Variants in CSMD1 observed in about 807,000 individuals in gnomAD.
CSMD1 encodes CUB and sushi domain-containing protein 1.
In CSMD1, 213 loss-of-function variants were observed where a neutral mutation model predicts 417.5. That is an observed-to-expected ratio of 0.51 (90% confidence interval 0.46 to 0.57). CSMD1 has a LOEUF of 0.57. CSMD1 is among the 20% of genes least tolerant of loss of function. CSMD1 has a pLI of 0.00. For missense variants in CSMD1, 6,923 were observed against 4,529.7 expected (o/e 1.53, Z -15.17); for synonymous variants, 2,862 against 1,736.8 (o/e 1.65, Z -16.11).
At chr8:4,336,547 G>C (rs1305077115) in intron 3 of CSMD1, among the ~76,000 whole-genome samples, 3 of 152,162 alleles carry the variant, frequency 2.0e-5, no homozygotes, top group Non-Finnish European at 4.4e-5. Context: ...CATGCTGCTT[G>C]TTTTCTAGAT....
chr8:3,216,391 A>G (rs555867481), intron 29 of CSMD1, among the ~76,000 whole-genome samples: 1 of 152,346 alleles, frequency 6.6e-6, no homozygotes, highest in African/African-American at 2.4e-5. Context: ...CTTGTTCACA[A>G]TATTTTCCCC....
intron 52 of CSMD1, among the ~76,000 whole-genome samples, chr8:3,004,526 G>T (rs559166194): frequency 6.6e-6 from 1 of 152,262 alleles, no homozygotes; most frequent in South Asian, 2.1e-4. Context: ...TGAAGAATTA[G>T]GAAAGAATGC....
chr8:3,725,752 G>A (rs1349194625), intron 6 of CSMD1, among the ~76,000 whole-genome samples: 3 of 152,096 alleles, frequency 2.0e-5, no homozygotes, highest in Non-Finnish European at 4.4e-5. Context: ...TGTTAGTGAG[G>A]GCAGAGTGGA....
At chr8:3,804,736 C>A (rs1190145249) in intron 5 of CSMD1, among the ~76,000 whole-genome samples, 2 of 152,152 alleles carry the variant, frequency 1.3e-5, no homozygotes, top group African/African-American at 2.4e-5. Flanking sequence ...TTTGCTTCAA[C>A]TGATCATGAA....
chr8:3,656,233 G>A (rs1020681662), intron 7 of CSMD1, among the ~76,000 whole-genome samples: 1 of 152,090 alleles, frequency 6.6e-6, no homozygotes, highest in African/African-American at 2.4e-5. Context: ...CCATGTGAGG[G>A]ACCCAGGTAA....
At chr8:3,441,492 C>CATATATATATATATATATATATAT (rs377759438) in intron 12 of CSMD1, among the ~76,000 whole-genome samples, 11 of 143,976 alleles carry the variant, frequency 7.6e-5, no homozygotes, top group East Asian at 2.1e-4. Flanking sequence ...CATATAATTT[C>CATATATATATATATATATATATAT]ATATATATAT....
chr8:4,896,881 G>A (rs1003252445), intron 1 of CSMD1, among the ~76,000 whole-genome samples: 2 of 152,066 alleles, frequency 1.3e-5, no homozygotes, highest in African/African-American at 2.4e-5. Flanking sequence ...GTCCAAGGCA[G>A]GAAAAAGTAA....
At chr8:3,417,486 T>C (rs997770747) in intron 12 of CSMD1, among the ~76,000 whole-genome samples, 1 of 152,216 alleles carries the variant, frequency 6.6e-6, no homozygotes, top group Non-Finnish European at 1.5e-5. Context: ...TTTTTTCTCA[T>C]GTGCTATTTG....
intron 1 of CSMD1, among the ~76,000 whole-genome samples, chr8:4,764,084 T>C (rs1476293570): frequency 2.0e-5 from 3 of 152,178 alleles, no homozygotes; most frequent in African/African-American, 7.2e-5. Context: ...GCATCATCTA[T>C]GCAATCTCCA....
intron 50 of CSMD1, among the ~76,000 whole-genome samples, chr8:3,046,863 C>T (rs965565948): frequency 1.3e-5 from 2 of 152,108 alleles, no homozygotes; most frequent in Non-Finnish European, 1.5e-5. Flanking sequence ...ATATCTTCTT[C>T]CTAGGATTGC....
intron 1 of CSMD1, among the ~76,000 whole-genome samples, chr8:4,840,809 G>A (rs963161675): frequency 1.3e-5 from 2 of 152,272 alleles, no homozygotes; most frequent in East Asian, 1.9e-4. Context: ...TTTATACCAG[G>A]TAGGATTAAG....
chr8:3,798,737 T>C (rs1302959687), intron 5 of CSMD1, among the ~76,000 whole-genome samples: 1 of 152,106 alleles, frequency 6.6e-6, no homozygotes, highest in East Asian at 1.9e-4. Context: ...TACAAAAATG[T>C]CACTATAGAT....
chr8:4,466,192 G>T (rs1321058954), intron 2 of CSMD1, among the ~76,000 whole-genome samples: 4 of 152,098 alleles, frequency 2.6e-5, no homozygotes, highest in Non-Finnish European at 5.9e-5. Context: ...TTAAGATTGG[G>T]CATGATGCTT....
chr8:4,873,255 TC>T (rs1403059613), intron 1 of CSMD1, among the ~76,000 whole-genome samples: 1 of 152,144 alleles, frequency 6.6e-6, no homozygotes, highest in African/African-American at 2.4e-5. Flanking sequence ...TGAAATTCAC[TC>T]AGATCAAAAT....
chr8:4,292,878 C>T (rs1797449328), intron 3 of CSMD1, among the ~76,000 whole-genome samples: 1 of 152,018 alleles, frequency 6.6e-6, no homozygotes, highest in Non-Finnish European at 1.5e-5. Flanking sequence ...ATTTAAAAGG[C>T]TTTTTGTAAA....
intron 56 of CSMD1, among the ~76,000 whole-genome samples, chr8:2,973,523 T>A (rs1336817745): frequency 1.3e-5 from 2 of 152,192 alleles, no homozygotes; most frequent in Non-Finnish European, 2.9e-5. Flanking sequence ...CAATAGCCTA[T>A]TCAAATATGG....
At chr8:4,773,655 TGTGTTTGTG>T (rs1462321780) in intron 1 of CSMD1, among the ~76,000 whole-genome samples, 2 of 152,188 alleles carry the variant, frequency 1.3e-5, no homozygotes, top group Non-Finnish European at 2.9e-5. Flanking sequence ...AGCACTGCAA[TGTGTTTGTG>T]CAGCCTTTAT....
At chr8:3,127,710 CT>C (rs1363284970) in intron 41 of CSMD1, 1 of 152,152 alleles carries the variant, frequency 6.6e-6, no homozygotes, top group African/African-American at 2.4e-5. Flanking sequence ...GACATTTTTA[CT>C]TGCTATGCCT....
At chr8:3,097,636 T>C (rs7826548) in intron 46 of CSMD1, among the ~76,000 whole-genome samples, 77,070 of 152,006 alleles carry the variant, frequency 0.51, 20,242 homozygotes, top group East Asian at 0.74. Context: ...ACAGATTTCA[T>C]CAGGCTATTC....
Sources: gnomAD v4.1 joint callset for allele counts (sites outside exome capture counted in the v4.1 genomes callset) on GRCh38, gnomAD v4.1.1 for gene constraint, MANE v1.5 for transcripts, NCBI Gene and HGNC (gene_info 2026-07-23, HGNC 2026-07-21) for gene names.